SLC1A7: variants seen among roughly 807,000 people sequenced by gnomAD.
The protein encoded by SLC1A7 is solute carrier family 1 member 7, also known as excitatory amino acid transporter 5.
SLC1A7 carries 40 observed loss-of-function variants against 47.7 expected under a neutral mutation model. The ratio of observed to expected loss-of-function variants is 0.84; its 90% confidence interval spans 0.65 to 1.09. The LOEUF (loss-of-function observed/expected upper bound fraction) is 1.09. SLC1A7 is among the 50% of genes least tolerant of loss of function. SLC1A7 has a pLI of 0.00. For missense variants in SLC1A7, 746 were observed against 769.5 expected, an observed-to-expected ratio of 0.97 and a Z score of 0.36; for synonymous variants, 323 against 325.6, an observed-to-expected ratio of 0.99 and a Z score of 0.09.
intron 2 of SLC1A7, among the ~76,000 whole-genome samples, chr1:53,126,656 C>T (rs1644885909): frequency 6.6e-6 from 1 of 152,188 alleles, no homozygotes; most frequent in Non-Finnish European, 1.5e-5. Flanking sequence ...CCCTTGCTAG[C>T]ATCGGGGGAC....
At chr1:53,126,445 G>A (rs1279132174) in intron 2 of SLC1A7, among the ~76,000 whole-genome samples, 2 of 152,188 alleles carry the variant, frequency 1.3e-5, no homozygotes, top group African/African-American at 2.4e-5. Flanking sequence ...GAAATAAACT[G>A]AAAACCGCAA....
rs556913355 is a variant in SLC1A7 at position 53,088,283 on chromosome 1, G to A, written c.1465-56C>T. 4.2e-6 allele frequency: 6 copies of A among 1,429,812 alleles called. No homozygotes were observed. The South Asian group carries it at 6.8e-5, about 16-fold the overall frequency. 88.6% of individuals were successfully genotyped at this position (1,429,812 alleles called of 1,614,324 possible). A position where few individuals can be genotyped will look rare whatever the true frequency, so the allele number is the denominator to read the frequency against. On this transcript the variant is annotated intron_variant, in intron 10 of 10. Transcript: ENST00000371494. ...CAGGAGGGACCAAGGTTAGATACGAGGGAGGACTGAGGGCCAGTGGGGCAG... is the reference window on the plus strand; with the variant it reads ...CAGGAGGGACCAAGGTTAGATACGAAGGAGGACTGAGGGCCAGTGGGGCAG...
In SLC1A7 at chr1:53,142,576, A is replaced by C; in HGVS notation, c.-127T>G. ...CAGGTGGTCGGAGTTGCTAAACACC[A>C]GTCGCCAGCCCCACGGCCATGCCCG... On this transcript the variant is annotated 5_prime_UTR_variant, in exon 1 of 11. Transcript: ENST00000371494. The C allele has an allele frequency of 9.3e-7, 1 of 1,080,244 alleles. No homozygotes were observed. Among genetic ancestry groups the C allele is most frequent in the Middle Eastern group, 2.8e-4 (1 of 3,596 alleles). The allele number at this position is 1,080,244 out of a possible 1,614,324, so 66.9% of individuals were successfully genotyped here.
At chr1:53,122,442 C>T (rs1023387414) in intron 2 of SLC1A7, among the ~76,000 whole-genome samples, 3 of 152,186 alleles carry the variant, frequency 2.0e-5, no homozygotes, top group African/African-American at 4.8e-5. Flanking sequence ...CGGGGGTCTG[C>T]GGGCAAGAGG....
Position 53,090,625 on chromosome 1 carries a change from T to C in SLC1A7, c.1213A>G (p.Ile405Val). Reference sequence around the variant, plus strand: ...GTCAGGGTGCACCTGATGGTGATGATCTGGCCAAAGTCCAGCTCGTAGTTG... The same window carrying C: ...GTCAGGGTGCACCTGATGGTGATGACCTGGCCAAAGTCCAGCTCGTAGTTG... ...VNNYELDFGQ[I>V]ITISITATAA... The change falls in exon 8 of 11, where the codon ATC becomes GTC. Residue 405 changes from isoleucine to valine, a missense_variant. Ile to Val is a conservative substitution (Grantham distance 29). Transcript: ENST00000371494. The C allele has an allele frequency of 6.3e-7, 1 of 1,592,430 alleles. No homozygotes were observed. The highest frequency in any genetic ancestry group is 8.6e-7 in the Non-Finnish European group (1 of 1,165,936).
At chr1:53,089,253 GTTTT>G (rs1309092833) in intron 9 of SLC1A7, among the ~76,000 whole-genome samples, 4 of 107,534 alleles carry the variant, frequency 3.7e-5, no homozygotes, top group African/African-American at 1.1e-4. Context: ...TTATAGGTTT[GTTTT>G]TTGTTTGTTT....
rs1433723006 is a variant in SLC1A7, at chr1:53,131,858, T to C, written c.215+2492A>G. Reference sequence around the variant, plus strand: ...GCATATAGAATGACAACATATGATATGTGCTGTGGCCGGGAGGGAACAGGG... The same window carrying C: ...GCATATAGAATGACAACATATGATACGTGCTGTGGCCGGGAGGGAACAGGG... On this transcript the variant is annotated intron_variant, in intron 2 of 10. Coordinates refer to ENST00000371494, the MANE Select transcript of SLC1A7 (RefSeq NM_006671.6). 2.6e-5 allele frequency among the ~76,000 whole-genome samples: 4 copies of C among 152,192 alleles called. No homozygotes were observed. In the East Asian group the frequency reaches 5.8e-4, roughly 22 times the overall value.
chr1:53,104,823 A>G (rs976591742), intron 4 of SLC1A7, among the ~76,000 whole-genome samples: 4 of 152,248 alleles, frequency 2.6e-5, no homozygotes, highest in Non-Finnish European at 5.9e-5. Context: ...CAACCAGCTG[A>G]CAGTTTAGAA....
At chr1:53,136,754 C>T (rs1645004725) in intron 1 of SLC1A7, among the ~76,000 whole-genome samples, 1 of 147,620 alleles carries the variant, frequency 6.8e-6, no homozygotes, top group Non-Finnish European at 1.5e-5. Context: ...GCAACCTCCA[C>T]CTCCTGGGCT....
intron 9 of SLC1A7, among the ~76,000 whole-genome samples, 158 bp from the exon 10 acceptor site, chr1:53,089,137 C>T (rs1428170937): frequency 1.3e-5 from 2 of 152,204 alleles, no homozygotes; most frequent in Admixed American, 6.5e-5. Context: ...CACCCTTTGG[C>T]ATCATTGAAG....
At chr1:53,101,316 CGGT>C in intron 5 of SLC1A7, among the ~76,000 whole-genome samples, 1 of 85,276 alleles carries the variant, frequency 1.2e-5, no homozygotes, top group Non-Finnish European at 2.7e-5. Flanking sequence ...CACCCCACCT[CGGT>C]ACACTCACAC....
chr1:53,126,226 C>G (rs990642712), intron 2 of SLC1A7, among the ~76,000 whole-genome samples: 1 of 152,208 alleles, frequency 6.6e-6, no homozygotes, highest in Non-Finnish European at 1.5e-5. Context: ...GCTCACTGTT[C>G]AGGAGGTGCC....
chr1:53,105,644 TCA>T, intron 4 of SLC1A7, 86 bp downstream of exon 4: 1 of 1,036,362 alleles, frequency 9.6e-7, no homozygotes, highest in Non-Finnish European at 1.5e-6. Flanking sequence ...AGCACACCTG[TCA>T]CTTCCCAGCC....
At chr1:53,104,538 G>A (rs1557675862) in intron 4 of SLC1A7, among the ~76,000 whole-genome samples, 1 of 152,254 alleles carries the variant, frequency 6.6e-6, no homozygotes, top group Non-Finnish European at 1.5e-5. Flanking sequence ...ATTCCAGAGA[G>A]TTACAGAGTA....
At chr1:53,118,978 C>G (rs150851747) in intron 2 of SLC1A7, among the ~76,000 whole-genome samples, 1 of 152,132 alleles carries the variant, frequency 6.6e-6, no homozygotes, top group Non-Finnish European at 1.5e-5. Flanking sequence ...TCCTGAGCAA[C>G]AAGAGTGAAA....
intron 3 of SLC1A7, among the ~76,000 whole-genome samples, chr1:53,113,197 G>A (rs1255931338): frequency 6.6e-6 from 1 of 152,116 alleles, no homozygotes; most frequent in East Asian, 1.9e-4. Flanking sequence ...TTCCCTGAGC[G>A]GGCTTAGTGG....
intron 2 of SLC1A7, among the ~76,000 whole-genome samples, chr1:53,126,451 C>G (rs1383599): frequency 0.029 from 4,363 of 152,256 alleles, 105 homozygotes; most frequent in East Asian, 0.11. Flanking sequence ...AACTGAAAAC[C>G]GCAAACCTGG....
intron 2 of SLC1A7, among the ~76,000 whole-genome samples, chr1:53,120,498 G>T (rs1174192184): frequency 2.6e-5 from 4 of 152,102 alleles, no homozygotes; most frequent in East Asian, 1.9e-4. Context: ...GGGCTGGGCC[G>T]CTCTCCTCCT....
At chr1:53,136,736 A>G (rs1265976307) in intron 1 of SLC1A7, among the ~76,000 whole-genome samples, 142 of 144,650 alleles carry the variant, frequency 9.8e-4, no homozygotes, top group African/African-American at 3.4e-3. Flanking sequence ...GCATGATTTC[A>G]GCTCACTGCA....
Sources: allele counts gnomAD v4.1 joint callset (sites outside exome capture counted in the v4.1 genomes callset), GRCh38; gene constraint gnomAD v4.1.1; transcripts MANE v1.5; gene names NCBI Gene and HGNC (gene_info 2026-07-23, HGNC 2026-07-21).